The following CHN2 variants were observed in gnomAD, a reference collection of about 807,000 sequenced individuals.
The protein encoded by CHN2 is beta-chimaerin.
A neutral mutation model predicts 56.3 loss-of-function variants in CHN2; 35 were observed. That is an observed-to-expected ratio of 0.62 (90% CI 0.47 to 0.82). The LOEUF (loss-of-function observed/expected upper bound fraction) is 0.82. Among genes scored for constraint, CHN2 ranks in the 40% least tolerant of loss-of-function variants. The probability of loss-of-function intolerance (pLI) is 0.00; values close to 1 mark genes in which losing one functional copy is unlikely to be tolerated. For synonymous variants in CHN2, 210 were observed against 212.8 expected (o/e 0.99, Z 0.12); for missense variants, 491 against 580.5 (o/e 0.85, Z 1.58).
intron 1 of CHN2, among the ~76,000 whole-genome samples, chr7:29,311,797 G>C (rs954247217): frequency 1.3e-5 from 2 of 152,198 alleles, no homozygotes; most frequent in South Asian, 4.1e-4. Flanking sequence ...TTTAGGCAAC[G>C]AGTATTTACT....
At chr7:29,260,945 T>C (rs3812363) in intron 1 of CHN2, among the ~76,000 whole-genome samples, 49,748 of 152,148 alleles carry the variant, frequency 0.33, 9,404 homozygotes, top group East Asian at 0.69. Context: ...TGCAATTGTA[T>C]TGTATTTTCT....
intron 1 of CHN2, among the ~76,000 whole-genome samples, chr7:29,322,530 T>TA (rs1296309804): frequency 6.6e-6 from 1 of 152,118 alleles, no homozygotes; most frequent in Non-Finnish European, 1.5e-5. Context: ...ATTGTGAAGA[T>TA]AAAAAGCAAT....
chr7:29,434,998 A>G (rs1338978576), intron 6 of CHN2, among the ~76,000 whole-genome samples: 1 of 152,116 alleles, frequency 6.6e-6, no homozygotes, highest in Non-Finnish European at 1.5e-5. Context: ...GAGCTGAGTT[A>G]GGAGGATAGC....
intron 6 of CHN2, among the ~76,000 whole-genome samples, chr7:29,467,851 C>G (rs1229425329): frequency 6.6e-6 from 1 of 152,154 alleles, no homozygotes; most frequent in Non-Finnish European, 1.5e-5. Flanking sequence ...GTTAACCTGC[C>G]TGGCACAACG....
In CHN2 at chr7:29,226,065, G is replaced by A. The variant is rs144973998; in HGVS notation, c.49+31075G>A. Among the ~76,000 whole-genome samples the A allele has an allele frequency of 3.9e-4, 60 of 152,216 alleles. No homozygotes were observed. The East Asian group carries it at 0.011, about 28-fold the overall frequency. ...CAATTTCTGGGCTGGCAAGGGAGAC[G>A]TATTAAATAACCTTTCTTCTTAAAA... On this transcript the variant is annotated intron_variant, in intron 1 of 12. Transcript: ENST00000222792.
intron 2 of CHN2, among the ~76,000 whole-genome samples, chr7:29,358,663 AC>A (rs1008522174): frequency 1.8e-4 from 27 of 152,034 alleles, no homozygotes; most frequent in African/African-American, 6.5e-4. Context: ...ACAGGGTTTC[AC>A]CCTGTTAGCC....
chr7:29,171,997 T>C (rs1796666273), intron 2 of CHN2, among the ~76,000 whole-genome samples: 1 of 152,100 alleles, frequency 6.6e-6, no homozygotes, highest in African/African-American at 2.4e-5. Context: ...CAGGGTGCAG[T>C]GGGTGGTACA....
At chr7:29,375,352 C>T (rs1315431767) in intron 3 of CHN2, among the ~76,000 whole-genome samples, 6 of 151,624 alleles carry the variant, frequency 4.0e-5, no homozygotes, top group African/African-American at 7.3e-5. Context: ...GTGCCCACCA[C>T]GCCCAGCTAA....
chr7:29,349,484 C>G (rs1195090408), intron 1 of CHN2, among the ~76,000 whole-genome samples: 4 of 152,180 alleles, frequency 2.6e-5, no homozygotes, highest in South Asian at 4.1e-4. Context: ...AGGCTATGCT[C>G]TCAACCGCAA....
At chr7:29,409,834 A>G (rs1164412385) in intron 6 of CHN2, among the ~76,000 whole-genome samples, 1 of 152,236 alleles carries the variant, frequency 6.6e-6, no homozygotes, top group African/African-American at 2.4e-5. Flanking sequence ...CAGCTTTTCA[A>G]GATGTTTATA....
At chr7:29,449,407 G>C (rs3793264) in intron 6 of CHN2, among the ~76,000 whole-genome samples, 8,002 of 152,240 alleles carry the variant, frequency 0.053, 385 homozygotes, top group East Asian at 0.26. Flanking sequence ...TGCAGGCCCA[G>C]AACAGAGGTA....
intron 1 of CHN2, among the ~76,000 whole-genome samples, chr7:29,264,074 G>C (rs895951014): frequency 6.0e-5 from 9 of 150,670 alleles, no homozygotes; most frequent in Non-Finnish European, 1.2e-4. Context: ...GCCCCGTCCG[G>C]GAGGTGGGGG....
intron 6 of CHN2, among the ~76,000 whole-genome samples, chr7:29,435,894 C>CTTTTTTTTTTTT (rs57786505): frequency 4.4e-5 from 6 of 137,426 alleles, no homozygotes; most frequent in African/African-American, 8.0e-5. Flanking sequence ...GAAGCGCCTC[C>CTTTTTTTTTTTT]TTTTTTTTTT....
At chr7:29,146,883 A>G (rs1260511800) in exon 2 of CHN2, 1 of 1,551,246 alleles carries the variant, frequency 6.4e-7, no homozygotes, top group Non-Finnish European at 8.7e-7. Flanking sequence ...ACATTTGGAA[A>G]GCGAGTGGTG....
intron 6 of CHN2, among the ~76,000 whole-genome samples, chr7:29,407,222 C>T (rs868754476): frequency 2.0e-5 from 3 of 152,138 alleles, no homozygotes; most frequent in Non-Finnish European, 4.4e-5. Flanking sequence ...ATTTCAGTGA[C>T]ACCAAGGAGG....
intron 1 of CHN2, among the ~76,000 whole-genome samples, chr7:29,215,156 A>C (rs1259927140): frequency 6.6e-6 from 1 of 152,216 alleles, no homozygotes; most frequent in Non-Finnish European, 1.5e-5. Flanking sequence ...AGAACTTGTG[A>C]AGTCATTAAC....
intron 1 of CHN2, chr7:29,198,076 C>T (rs899778280): frequency 8.8e-6 from 4 of 455,704 alleles, no homozygotes; most frequent in African/African-American, 6.0e-5. Flanking sequence ...CCAGCTCACT[C>T]ATTGCTGCTG....
intron 6 of CHN2, among the ~76,000 whole-genome samples, chr7:29,475,384 CA>C (rs1786503227): frequency 6.6e-6 from 1 of 152,152 alleles, no homozygotes; most frequent in African/African-American, 2.4e-5. Context: ...CAGGGAACAC[CA>C]GACCTGCTAG....
chr7:29,354,084 G>A, intron 1 of CHN2, among the ~76,000 whole-genome samples: 1 of 152,168 alleles, frequency 6.6e-6, no homozygotes. Flanking sequence ...GTCACACGTT[G>A]GAGTTAATTC....
Sources: gnomAD v4.1 joint callset for allele counts (sites outside exome capture counted in the v4.1 genomes callset) on GRCh38, gnomAD v4.1.1 for gene constraint, MANE v1.5 for transcripts, NCBI Gene and HGNC (gene_info 2026-07-23, HGNC 2026-07-21) for gene names.